MBD5: variants seen among roughly 807,000 people sequenced by gnomAD.
MBD5 encodes the protein methyl-CpG binding domain protein 5, also known as methyl-CpG-binding domain protein 5.
A neutral mutation model predicts 117.3 loss-of-function variants in MBD5; 13 were observed. The ratio of observed to expected loss-of-function variants is 0.11; its 90% CI spans 0.07 to 0.18. The LOEUF (loss-of-function observed/expected upper bound fraction) is 0.18, where lower values mean the gene tolerates loss of function less well. Ranked by LOEUF, MBD5 falls within the 10% of genes least tolerant of loss-of-function variation. The probability of loss-of-function intolerance (pLI) is 1.00; values close to 1 mark genes in which losing one functional copy is unlikely to be tolerated. For synonymous variants in MBD5, 727 were observed against 766.4 expected, an observed-to-expected ratio of 0.95 and a Z score of 0.85; for missense variants, 1,879 against 2,093.8, an observed-to-expected ratio of 0.90 and a Z score of 2.00.
chr2:148,293,082 G>C (rs1055356991), intron 3 of MBD5, among the ~76,000 whole-genome samples: 1 of 150,202 alleles, frequency 6.7e-6, no homozygotes, highest in African/African-American at 2.4e-5. Context: ...AGAAGCCAAG[G>C]TCAGGTGGAT....
chr2:148,327,674 C>T (rs1702497416), intron 3 of MBD5, among the ~76,000 whole-genome samples: 1 of 151,780 alleles, frequency 6.6e-6, no homozygotes, highest in Admixed American at 6.6e-5. Context: ...AGTTATCGAG[C>T]CTTGGTTTTC....
chr2:148,345,428 CAT>C (rs1421321662), intron 4 of MBD5, among the ~76,000 whole-genome samples: 3 of 97,502 alleles, frequency 3.1e-5, no homozygotes, highest in East Asian at 2.6e-4. Flanking sequence ...CATATATACA[CAT>C]ATACATATGT....
chr2:148,288,202 C>T (rs1169106903), intron 3 of MBD5, among the ~76,000 whole-genome samples: 1 of 143,336 alleles, frequency 7.0e-6, no homozygotes, highest in Non-Finnish European at 1.5e-5. Flanking sequence ...AGATCGAGAC[C>T]ATCCCGGCTA....
chr2:148,242,581 A>G (rs1700238093), intron 3 of MBD5, among the ~76,000 whole-genome samples: 1 of 152,136 alleles, frequency 6.6e-6, no homozygotes, highest in South Asian at 2.1e-4. Context: ...ATCAAAGAAG[A>G]ATGAGTCTAA....
intron 1 of MBD5, chr2:148,054,147 T>C (rs2707220): frequency 0.07 from 10,714 of 152,242 alleles, 1,045 homozygotes; most frequent in African/African-American, 0.22. Context: ...CTCAAGGCGA[T>C]CCTCCTGCCA....
intron 2 of MBD5, among the ~76,000 whole-genome samples, chr2:148,194,492 C>T (rs1333855955): frequency 2.3e-5 from 1 of 42,880 alleles, no homozygotes; most frequent in African/African-American, 5.5e-5. Context: ...CCATCATTCT[C>T]AGTAAACTAT....
chr2:148,059,328 C>A (rs1049935951), intron 1 of MBD5, among the ~76,000 whole-genome samples: 2 of 152,102 alleles, frequency 1.3e-5, no homozygotes, highest in African/African-American at 4.8e-5. Flanking sequence ...TCTACACATA[C>A]AATAAATATA....
intron 2 of MBD5, among the ~76,000 whole-genome samples, chr2:148,220,982 A>G (rs573013551): frequency 1.9e-4 from 29 of 152,012 alleles, no homozygotes; most frequent in Non-Finnish European, 2.9e-4. Context: ...CTCTATCTCC[A>G]TGAGTTCAAT....
At chr2:148,392,223 C>T (rs1054718001) in intron 4 of MBD5, among the ~76,000 whole-genome samples, 11 of 152,068 alleles carry the variant, frequency 7.2e-5, no homozygotes, top group African/African-American at 2.2e-4. Context: ...ATGTAGACAG[C>T]GACATAGCAT....
chr2:148,289,228 A>G (rs897352323), intron 3 of MBD5, among the ~76,000 whole-genome samples: 5 of 152,202 alleles, frequency 3.3e-5, no homozygotes, highest in Admixed American at 3.3e-4. Context: ...TATTTAATGT[A>G]TAGTACATTT....
intron 4 of MBD5, among the ~76,000 whole-genome samples, chr2:148,439,473 G>A (rs1040687586): frequency 6.6e-6 from 1 of 151,906 alleles, no homozygotes; most frequent in Non-Finnish European, 1.5e-5. Flanking sequence ...TTTTATATTC[G>A]TGACCAGAAA....
intron 3 of MBD5, among the ~76,000 whole-genome samples, chr2:148,320,383 C>T (rs1318489808): frequency 4.6e-5 from 7 of 152,030 alleles, no homozygotes; most frequent in Admixed American, 6.6e-5. Context: ...TTGACAGAAT[C>T]TCACTCTGAC....
rs755452378 is a variant in MBD5, at chr2:148,470,240, C to G, written c.2297C>G (p.Thr766Ser). Reference sequence around the variant, plus strand: ...GCCGTGCACTGCCACAATGCAAACACTAACTTTGTTCACAGTAACAGTCCA... The same window carrying G: ...GCCGTGCACTGCCACAATGCAAACAGTAACTTTGTTCACAGTAACAGTCCA... ...GEAVHCHNAN[T>S]NFVHSNSPVP... Residue 766 changes from threonine (T) to serine (S), a missense_variant, in exon 8 of 14, where the codon ACT becomes AGT. This residue lies in a region of MBD5 where 1,666 missense variants were observed against 1,792.2 expected (regional missense o/e 0.93). Transcript: ENST00000642680. The G allele has an allele frequency of 6.2e-7, 1 of 1,613,970 alleles. No individual in the cohort carries two copies. Among genetic ancestry groups the G allele is most frequent in the Non-Finnish European group, 8.5e-7 (1 of 1,179,906 alleles).
intron 1 of MBD5, among the ~76,000 whole-genome samples, chr2:148,171,398 G>A (rs1404653856): frequency 5.9e-5 from 9 of 152,130 alleles, no homozygotes; most frequent in Non-Finnish European, 2.9e-5. Context: ...TGATACGGAT[G>A]AAGAAAAAAT....
chr2:148,051,586 CTTCTG>C (rs1161107848), intron 1 of MBD5, among the ~76,000 whole-genome samples: 3 of 129,892 alleles, frequency 2.3e-5, no homozygotes, highest in South Asian at 2.6e-4. Context: ...AGGAAATTTC[CTTCTG>C]TTCTGTTTGT....
intron 2 of MBD5, among the ~76,000 whole-genome samples, chr2:148,200,221 A>G (rs184015192): frequency 6.7e-6 from 1 of 148,968 alleles, no homozygotes; most frequent in African/African-American, 2.5e-5. Context: ...TCTAATGCAT[A>G]TGTAATCTAC....
At chr2:148,345,144 G>T (rs577439605) in intron 4 of MBD5, among the ~76,000 whole-genome samples, 15 of 151,420 alleles carry the variant, frequency 9.9e-5, no homozygotes, top group Non-Finnish European at 1.8e-4. Flanking sequence ...ATTAGTGAGG[G>T]TTCTTTTAGA....
intron 6 of MBD5, among the ~76,000 whole-genome samples, chr2:148,462,988 C>A (rs113985343): frequency 3.6e-4 from 55 of 152,172 alleles, no homozygotes; most frequent in African/African-American, 1.2e-3. Context: ...GCAATATTTT[C>A]TCTCATTACT....
At chr2:148,066,657 T>G (rs1695203543) in intron 1 of MBD5, among the ~76,000 whole-genome samples, 1 of 152,054 alleles carries the variant, frequency 6.6e-6, no homozygotes, top group African/African-American at 2.4e-5. Flanking sequence ...TTTTGTATTT[T>G]AACAGAGATG....
Sources: allele counts gnomAD v4.1 joint callset (sites outside exome capture counted in the v4.1 genomes callset), GRCh38; gene constraint gnomAD v4.1.1; regional missense constraint gnomAD v4.1.1; transcripts MANE v1.5; gene names NCBI Gene and HGNC (gene_info 2026-07-23, HGNC 2026-07-21).